The following JAKMIP1 variants were observed in gnomAD, a reference collection of about 807,000 sequenced individuals.
The protein encoded by JAKMIP1 is janus kinase and microtubule-interacting protein 1.
A neutral mutation model predicts 113.0 loss-of-function variants in JAKMIP1; 33 were observed. The ratio of observed to expected loss-of-function variants is 0.29; its 90% CI spans 0.22 to 0.39. JAKMIP1 has a LOEUF of 0.39. Among genes scored for constraint, JAKMIP1 ranks in the 10% least tolerant of loss-of-function variants. JAKMIP1 has a pLI of 1.00. For missense variants in JAKMIP1, 813 were observed against 1,080.5 expected, an observed-to-expected ratio of 0.75 and a Z score of 3.47; for synonymous variants, 480 against 459.9, an observed-to-expected ratio of 1.04 and a Z score of -0.56.
chr4:6,115,902 T>C (rs1715696005), intron 1 of JAKMIP1, among the ~76,000 whole-genome samples: 2 of 152,162 alleles, frequency 1.3e-5, no homozygotes, highest in African/African-American at 4.8e-5. Context: ...CCCTGCCCTG[T>C]ATGTCAAGTG....
Position 6,155,265 on chromosome 4 carries a change from T to C in JAKMIP1, c.-147-42268A>G, listed in dbSNP as rs1229374066. ...AAGGAGGAAACAACATTCCCTCCTC[T>C]GCGCTCAACGCCTTTTAATACCAGC... On this transcript the variant is annotated intron_variant, in intron 1 of 20. Transcript: ENST00000409021. This position sits in a 1 kb window ranked among gnomAD's most constrained non-coding sequence, Gnocchi z 6.1. Among the ~76,000 whole-genome samples, 1 of 152,194 alleles carries C rather than the reference T, an allele frequency of 6.6e-6. No homozygotes were observed. Among genetic ancestry groups the C allele is most frequent in the Non-Finnish European group, 1.5e-5 (1 of 68,036 alleles).
In JAKMIP1 at chr4:6,066,943, G is replaced by A. The variant is rs146145751; in HGVS notation, c.1303-1935C>T. ...ACCTGCCATGGGGCCTTTGCGCTCCGAGACGCTCTTCCCCAGAATCCACAT... is the reference window on the plus strand; with the variant it reads ...ACCTGCCATGGGGCCTTTGCGCTCCAAGACGCTCTTCCCCAGAATCCACAT... On this transcript the variant is annotated intron_variant, in intron 8 of 20. Transcript: ENST00000409021. Among the ~76,000 whole-genome samples, 1,282 of 151,506 alleles carry A rather than the reference G, an allele frequency of 8.5e-3. 11 individuals are homozygous for A. Among genetic ancestry groups the A allele is most frequent in the Middle Eastern group, 0.034 (10 of 292 alleles).
At chr4:6,078,879 C>T in intron 8 of JAKMIP1, 60 bp downstream of exon 8, 2 of 1,567,776 alleles carry the variant, frequency 1.3e-6, no homozygotes, top group East Asian at 2.2e-5. Flanking sequence ...CACGACCCAT[C>T]TGCCCTGCAG....
At chr4:6,149,889 A>G in intron 1 of JAKMIP1, among the ~76,000 whole-genome samples, 1 of 151,002 alleles carries the variant, frequency 6.6e-6, no homozygotes, top group East Asian at 2.0e-4. Flanking sequence ...CTCCCTTCCA[A>G]CTCCCAGCTC....
At chr4:6,172,213 T>C (rs1232915008) in intron 1 of JAKMIP1, among the ~76,000 whole-genome samples, 2 of 152,196 alleles carry the variant, frequency 1.3e-5, no homozygotes, top group African/African-American at 2.4e-5. Context: ...GGGCAAAGGA[T>C]GCTTTCCTCC....
Position 6,080,145 on chromosome 4 carries a change from C to G in JAKMIP1, c.1242+27G>C. ...CAGCTGGTGCCACCCCTGCCAGGGGCAGCCGCGCCAGCTGTGCTAGATGTA... is the reference window on the plus strand; with the variant it reads ...CAGCTGGTGCCACCCCTGCCAGGGGGAGCCGCGCCAGCTGTGCTAGATGTA... On this transcript the variant is annotated intron_variant, in intron 7 of 20. Transcript: ENST00000409021. The surrounding 1 kb of genome is among the most constrained non-coding windows in gnomAD (Gnocchi z 6.0). 6.4e-7 allele frequency: 1 copy of G among 1,559,688 alleles called. No homozygotes were observed. The highest frequency in any genetic ancestry group is 8.7e-7 in the Non-Finnish European group (1 of 1,151,494).
At chr4:6,159,469 A>G (rs1346080419) in intron 1 of JAKMIP1, among the ~76,000 whole-genome samples, 1 of 152,200 alleles carries the variant, frequency 6.6e-6, no homozygotes, top group Non-Finnish European at 1.5e-5. Context: ...TTCTTAATAG[A>G]TTAAGAGGTT....
At chr4:6,072,942 C>T (rs1450147287) in intron 8 of JAKMIP1, among the ~76,000 whole-genome samples, 1 of 151,928 alleles carries the variant, frequency 6.6e-6, no homozygotes, top group African/African-American at 2.4e-5. Context: ...ATTAGCCAGG[C>T]CTGGTGGCAC....
chr4:6,174,306 G>A (rs1465813533), intron 1 of JAKMIP1, among the ~76,000 whole-genome samples: 1 of 152,218 alleles, frequency 6.6e-6, no homozygotes, highest in Non-Finnish European at 1.5e-5. Context: ...AAAGTAAGTG[G>A]AAAAGTAAAA....
chr4:6,083,707 C>G (rs950975418), intron 5 of JAKMIP1, among the ~76,000 whole-genome samples: 12 of 151,768 alleles, frequency 7.9e-5, no homozygotes, highest in African/African-American at 2.4e-4. Context: ...TTTCACCACT[C>G]ATTTTTTTCA....
rs2109053675 is a variant in JAKMIP1, at chr4:6,188,186, G to A, written c.-148+12067C>T. On this transcript the variant is annotated intron_variant, in intron 1 of 20. Coordinates refer to ENST00000409021, the MANE Select transcript of JAKMIP1 (RefSeq NM_001099433.2). The surrounding 1 kb of genome is among the most constrained non-coding windows in gnomAD (Gnocchi z 5.8). ...ATGTCCACTACCAGCTTCCTGGGTT[G>A]GAAGATTGGAAGTCTACAGCTTGAC... is the stretch of plus-strand genomic sequence containing the variant. Among the ~76,000 whole-genome samples the A allele has an allele frequency of 6.6e-6, 1 of 152,232 alleles. No individual in the cohort carries two copies. The highest frequency in any genetic ancestry group is 2.1e-4 in the South Asian group (1 of 4,820).
chr4:6,138,065 C>G lies in JAKMIP1; in HGVS notation c.-147-25068G>C, dbSNP rs1474827419. On this transcript the variant is annotated intron_variant, in intron 1 of 20. Transcript: ENST00000409021. The surrounding 1 kb of genome is among the most constrained non-coding windows in gnomAD (Gnocchi z 6.0). The stretch of plus-strand genomic sequence containing the variant: ...GAGAGGCCAGCTCTGGGGTGACACT[C>G]TGGGGGTCAAGCCTAAGCCCAGACA... Among the ~76,000 whole-genome samples, 3 of 152,042 alleles carry G rather than the reference C, an allele frequency of 2.0e-5. No homozygotes were observed. The highest frequency in any genetic ancestry group is 4.4e-5 in the Non-Finnish European group (3 of 67,994).
In JAKMIP1 at chr4:6,081,708, C is replaced by T; in HGVS notation, c.1002G>A (p.Glu334=). The T allele has an allele frequency of 1.2e-6, 2 of 1,614,204 alleles. No homozygotes were observed. Among genetic ancestry groups the T allele is most frequent in the Non-Finnish European group, 1.7e-6 (2 of 1,180,036 alleles). ...ETEVQLKPLV[E]KNKRMNKKNE... ...TCTTCTTGTTCATCCGCTTGTTCTTCTCCACCAGGGGCTTCAGCTGAACCT... is the reference window on the plus strand; with the variant it reads ...TCTTCTTGTTCATCCGCTTGTTCTTTTCCACCAGGGGCTTCAGCTGAACCT... Residue 334 remains glutamate, a synonymous_variant, in exon 6 of 21, where the codon GAG becomes GAA. Coordinates refer to ENST00000409021, the MANE Select transcript of JAKMIP1 (RefSeq NM_001099433.2). The surrounding 1 kb of genome is among the most constrained non-coding windows in gnomAD (Gnocchi z 4.6).
rs1476268320 is a variant in JAKMIP1 at position 6,129,334 on chromosome 4, T to C, written c.-147-16337A>G. 1.3e-5 allele frequency among the ~76,000 whole-genome samples: 2 copies of C among 152,198 alleles called. No individual in the cohort carries two copies. The highest frequency in any genetic ancestry group is 2.4e-5 in the African/African-American group (1 of 41,446). ...CCCACCCCATGCCAGCCAGGAACCA[T>C]TGATATTTAAATGTGGCCTTTGGCT... On this transcript the variant is annotated intron_variant, in intron 1 of 20. Transcript: ENST00000409021. This position sits in a 1 kb window ranked among gnomAD's most constrained non-coding sequence, Gnocchi z 5.4.
Position 6,080,428 on chromosome 4 carries a change from A to G in JAKMIP1, c.1102-116T>C. 8.0e-7 allele frequency: 1 copy of G among 1,247,906 alleles called. No individual in the cohort carries two copies. Among genetic ancestry groups the G allele is most frequent in the East Asian group, 2.4e-5 (1 of 41,112 alleles). The allele number at this position is 1,247,906 out of a possible 1,614,324, so 77.3% of individuals were successfully genotyped here. A position where few individuals can be genotyped will look rare whatever the true frequency, so the allele number is the denominator to read the frequency against. On this transcript the variant is annotated intron_variant, in intron 6 of 20. Coordinates refer to ENST00000409021, the MANE Select transcript of JAKMIP1 (RefSeq NM_001099433.2). This position sits in a 1 kb window ranked among gnomAD's most constrained non-coding sequence, Gnocchi z 6.0. ...ACAGAAGGATGGATGGGAGGATGAAAGAGATGATGGCCTGATATGGTTTGG... is the reference window on the plus strand; with the variant it reads ...ACAGAAGGATGGATGGGAGGATGAAGGAGATGATGGCCTGATATGGTTTGG...
At chr4:6,105,350 C>T (rs1026359658) in intron 3 of JAKMIP1, 123 bp downstream of exon 3, 2 of 986,574 alleles carry the variant, frequency 2.0e-6, no homozygotes, top group Admixed American at 2.9e-5. Context: ...AGGGAGGTTG[C>T]TGGGGCCCCA....
rs1714504055 is a variant in JAKMIP1 at position 6,042,818 on chromosome 4, C to T, written c.2029-591G>A. On this transcript the variant is annotated intron_variant, in intron 16 of 20. Coordinates refer to ENST00000409021, the MANE Select transcript of JAKMIP1 (RefSeq NM_001099433.2). The surrounding 1 kb of genome is among the most constrained non-coding windows in gnomAD (Gnocchi z 5.2). Reference sequence around the variant, plus strand: ...CACCATGAGAGGAGGTGGAATCACACACAGGGTAGGGGGTGTAGGAGCATG... The same window carrying T: ...CACCATGAGAGGAGGTGGAATCACATACAGGGTAGGGGGTGTAGGAGCATG... Among the ~76,000 whole-genome samples, 1 of 152,054 alleles carries T rather than the reference C, an allele frequency of 6.6e-6. No individual in the cohort carries two copies. Among genetic ancestry groups the T allele is most frequent in the South Asian group, 2.1e-4 (1 of 4,818 alleles).
rs1726221518 is a variant in JAKMIP1 at position 6,183,024 on chromosome 4, T to C, written c.-148+17229A>G. Among the ~76,000 whole-genome samples the C allele has an allele frequency of 6.6e-6, 1 of 152,164 alleles. No individual in the cohort carries two copies. The highest frequency in any genetic ancestry group is 2.4e-5 in the African/African-American group (1 of 41,426). Reference sequence around the variant, plus strand: ...CTCAGCTCAGCTCAGCCAGTGATGGTCCTGGAGGCTCCAGGTTCCCAGGTC... The same window carrying C: ...CTCAGCTCAGCTCAGCCAGTGATGGCCCTGGAGGCTCCAGGTTCCCAGGTC... On this transcript the variant is annotated intron_variant, in intron 1 of 20. Transcript: ENST00000409021. This position sits in a 1 kb window ranked among gnomAD's most constrained non-coding sequence, Gnocchi z 5.3.
intron 1 of JAKMIP1, among the ~76,000 whole-genome samples, chr4:6,164,054 A>T (rs1298844958): frequency 6.6e-6 from 1 of 152,276 alleles, no homozygotes; most frequent in Non-Finnish European, 1.5e-5. Context: ...GATCCAGCTA[A>T]CATCATTCAT....
Sources: gnomAD v4.1 joint callset for allele counts (sites outside exome capture counted in the v4.1 genomes callset) on GRCh38, gnomAD v4.1.1 for gene constraint, Gnocchi (gnomAD v3.1) non-coding constraint, MANE v1.5 for transcripts, NCBI Gene and HGNC (gene_info 2026-07-23, HGNC 2026-07-21) for gene names.